The following SLC2A9 variants were observed in gnomAD, a reference collection of about 807,000 sequenced individuals.
The protein encoded by SLC2A9 is solute carrier family 2 member 9.
A neutral mutation model predicts 50.6 loss-of-function variants in SLC2A9; 39 were observed. The ratio of observed to expected loss-of-function variants is 0.77; its 90% CI spans 0.60 to 1.01. The LOEUF (loss-of-function observed/expected upper bound fraction) is 1.01, where lower values mean the gene tolerates loss of function less well. SLC2A9 is among the 50% of genes least tolerant of loss of function. The pLI is 0.00. For missense variants in SLC2A9, 686 were observed against 677.6 expected, an observed-to-expected ratio of 1.01 and a Z score of -0.14; for synonymous variants, 324 against 276.9, an observed-to-expected ratio of 1.17 and a Z score of -1.69.
chr4:9,926,965 T>C (rs1430002908), intron 6 of SLC2A9, among the ~76,000 whole-genome samples: 1 of 151,660 alleles, frequency 6.6e-6, no homozygotes, highest in Non-Finnish European at 1.5e-5. Flanking sequence ...AGCATGGCCC[T>C]GCTGGCACCT....
intron 3 of SLC2A9, among the ~76,000 whole-genome samples, chr4:9,801,803 C>T (rs1181402064): frequency 6.6e-6 from 1 of 151,706 alleles, no homozygotes. Context: ...ATGGACAATG[C>T]AAAGAAACAA....
At chr4:9,892,799 C>A (rs1020581699) in intron 8 of SLC2A9, among the ~76,000 whole-genome samples, 1 of 152,190 alleles carries the variant, frequency 6.6e-6, no homozygotes. Context: ...TGGCCTTGAA[C>A]AAGTTAATTA....
At chr4:9,835,248 C>T (rs747278965) in intron 10 of SLC2A9, among the ~76,000 whole-genome samples, 13 of 152,148 alleles carry the variant, frequency 8.5e-5, no homozygotes, top group Non-Finnish European at 1.8e-4. Flanking sequence ...GCCAGGAGAG[C>T]CTCCAGTCAC....
chr4:9,918,998 G>A (rs1187268048), intron 7 of SLC2A9, among the ~76,000 whole-genome samples: 1 of 152,082 alleles, frequency 6.6e-6, no homozygotes, highest in Admixed American at 6.6e-5. Flanking sequence ...GTTATACGGG[G>A]GATGCAAATG....
At chr4:10,006,859 T>A (rs1332265577) in intron 2 of SLC2A9, among the ~76,000 whole-genome samples, 3 of 151,964 alleles carry the variant, frequency 2.0e-5, no homozygotes, top group Non-Finnish European at 4.4e-5. Flanking sequence ...AATTTTCTGC[T>A]TGCCAAGCAG....
At chr4:9,875,760 C>T (rs1025079821) in intron 10 of SLC2A9, among the ~76,000 whole-genome samples, 19 of 152,212 alleles carry the variant, frequency 1.2e-4, no homozygotes, top group South Asian at 4.1e-4. Flanking sequence ...ACTACTTCTT[C>T]CTCTTCTTTA....
chr4:9,908,206 T>C, intron 8 of SLC2A9, 29 bp downstream of exon 8: 1 of 1,483,312 alleles, frequency 6.7e-7, no homozygotes, highest in Non-Finnish European at 9.4e-7. Flanking sequence ...CCCTGTGGCA[T>C]TCTCAGGAGT....
At position 9,890,694 on chromosome 4, in the gene SLC2A9, G is replaced by GT; in HGVS notation, c.1130dup (p.His377GlnfsTer64). On this transcript the variant is annotated frameshift_variant, in exon 9 of 12. Transcript: ENST00000264784. LOFTEE classifies it high-confidence loss of function. ...CAATGAGGAGGGGTCTCCGTCCCAG[G>GT]TGCTCAATGACCAAACCCTAGTCCA... 6.2e-7 allele frequency: 1 copy of GT among 1,614,064 alleles called. No homozygotes were observed. Among genetic ancestry groups the GT allele is most frequent in the Non-Finnish European group, 8.5e-7 (1 of 1,179,986 alleles).
At chr4:9,887,470 C>G in intron 10 of SLC2A9, 97 bp downstream of exon 10, 1 of 1,239,214 alleles carries the variant, frequency 8.1e-7, no homozygotes, top group Non-Finnish European at 1.1e-6. Context: ...TTTGCTTCTT[C>G]TGGGCTCTGG....
At chr4:9,960,165 G>T (rs1265170068) in intron 5 of SLC2A9, among the ~76,000 whole-genome samples, 1 of 152,192 alleles carries the variant, frequency 6.6e-6, no homozygotes, top group East Asian at 1.9e-4. Context: ...AGCAACATCT[G>T]TCTCATCCAG....
At chr4:9,966,708 T>C (rs1753108157) in intron 5 of SLC2A9, among the ~76,000 whole-genome samples, 1 of 151,970 alleles carries the variant, frequency 6.6e-6, no homozygotes, top group Non-Finnish European at 1.5e-5. Context: ...AAAAGAAAAA[T>C]GAAACAAATT....
At chr4:10,014,367 G>A (rs975564343) in intron 2 of SLC2A9, among the ~76,000 whole-genome samples, 1 of 152,198 alleles carries the variant, frequency 6.6e-6, no homozygotes, top group Non-Finnish European at 1.5e-5. Flanking sequence ...ATTCTGAGCT[G>A]GGATTCTGTG....
At chr4:9,945,499 C>T (rs910817750) in intron 5 of SLC2A9, among the ~76,000 whole-genome samples, 1 of 152,196 alleles carries the variant, frequency 6.6e-6, no homozygotes, top group Non-Finnish European at 1.5e-5. Context: ...CTCCACTATA[C>T]AGAAATATTA....
At chr4:10,036,728 C>T (rs1321372155) in intron 1 of SLC2A9, among the ~76,000 whole-genome samples, 1 of 152,236 alleles carries the variant, frequency 6.6e-6, no homozygotes, top group Non-Finnish European at 1.5e-5. Context: ...AATCATTCCT[C>T]CATCATCCAG....
chr4:9,818,101 G>A, intron 3 of SLC2A9, among the ~76,000 whole-genome samples: 1 of 152,198 alleles, frequency 6.6e-6, no homozygotes, highest in East Asian at 1.9e-4. Context: ...AGCATCTTCA[G>A]TTCCTTTTAT....
At chr4:9,888,255 C>A (rs1460731966) in intron 9 of SLC2A9, among the ~76,000 whole-genome samples, 1 of 137,000 alleles carries the variant, frequency 7.3e-6, no homozygotes, top group Admixed American at 7.7e-5. Context: ...TATCCCAGAA[C>A]TTAAAGTATA....
intron 10 of SLC2A9, chr4:9,879,383 T>TGC: frequency 1.1e-5 from 4 of 371,556 alleles, no homozygotes; most frequent in Non-Finnish European, 1.4e-5. Context: ...TATGTGTGTA[T>TGC]GTGTGTGTGT....
chr4:9,881,393 G>C (rs1415230265), intron 10 of SLC2A9, among the ~76,000 whole-genome samples: 1 of 152,188 alleles, frequency 6.6e-6, no homozygotes, highest in Non-Finnish European at 1.5e-5. Flanking sequence ...AGGTTCGTTT[G>C]ACATGAACTT....
intron 5 of SLC2A9, among the ~76,000 whole-genome samples, chr4:9,968,070 A>G (rs1753325112): frequency 6.6e-6 from 1 of 152,212 alleles, no homozygotes; most frequent in African/African-American, 2.4e-5. Flanking sequence ...ATCTGCTTTT[A>G]GTAAAATTTA....
Sources: allele counts gnomAD v4.1 joint callset (sites outside exome capture counted in the v4.1 genomes callset), GRCh38; gene constraint gnomAD v4.1.1; transcripts MANE v1.5; gene names NCBI Gene and HGNC (gene_info 2026-07-23, HGNC 2026-07-21).